The following IHO1 variants were observed in gnomAD, a reference collection of about 807,000 sequenced individuals.
The protein encoded by IHO1 is interactor of HORMAD1 1.
IHO1 carries 13 observed loss-of-function variants against 31.0 expected under a neutral mutation model. That is an observed-to-expected ratio of 0.42 (90% CI 0.27 to 0.67). The LOEUF (loss-of-function observed/expected upper bound fraction) is 0.67. IHO1 is among the 30% of genes least tolerant of loss of function. The probability of loss-of-function intolerance (pLI) is 0.24; values close to 1 mark genes in which losing one functional copy is unlikely to be tolerated. For missense variants in IHO1, 599 were observed against 687.5 expected, an observed-to-expected ratio of 0.87 and a Z score of 1.44; for synonymous variants, 221 against 248.4, an observed-to-expected ratio of 0.89 and a Z score of 1.04.
At chr3:49,221,168 A>AT (rs932654735) in intron 2 of IHO1, among the ~76,000 whole-genome samples, 8 of 149,124 alleles carry the variant, frequency 5.4e-5, no homozygotes, top group East Asian at 1.9e-4. Flanking sequence ...TGATTGGTGC[A>AT]TTTTTACAGA....
chr3:49,227,483 A>G (rs1214119831), intron 2 of IHO1, among the ~76,000 whole-genome samples: 1 of 152,204 alleles, frequency 6.6e-6, no homozygotes, highest in Non-Finnish European at 1.5e-5. Context: ...TCACCGACGC[A>G]GCAGCAGAAA....
In IHO1 at chr3:49,256,470, G is replaced by A; in HGVS notation, c.973G>A (p.Ala325Thr). 6.2e-7 allele frequency: 1 copy of A among 1,614,198 alleles called. No individual in the cohort carries two copies. Among genetic ancestry groups the A allele is most frequent in the African/African-American group, 1.3e-5 (1 of 75,044 alleles). The change falls in exon 8 of 8, where the codon GCA becomes ACA. Residue 325 changes from alanine to threonine, a missense_variant. Coordinates refer to ENST00000452691, the MANE Select transcript of IHO1 (RefSeq NM_001135197.2). This position sits in a 1 kb window ranked among gnomAD's most constrained non-coding sequence, Gnocchi z 4.6. ...AGAATTTGATGTCTGGGGTGAAGGA[G>A]CAAAGAATGATGATCTCCAAGAAGA... ...PGEFDVWGEG[A>T]KNDDLQEEAA...
At chr3:49,255,558 C>CTT (rs11344456) in intron 7 of IHO1, 65 bp downstream of exon 7, 970 of 354,100 alleles carry the variant, frequency 2.7e-3, no homozygotes, top group Middle Eastern at 5.1e-3. Flanking sequence ...CAGAGAGAAA[C>CTT]TTTTTTTTTT....
At chr3:49,234,315 C>A (rs1357248834) in intron 2 of IHO1, among the ~76,000 whole-genome samples, 1 of 151,648 alleles carries the variant, frequency 6.6e-6, no homozygotes, top group Admixed American at 6.6e-5. Flanking sequence ...TGGGACTGTA[C>A]AGGCACACAC....
At position 49,212,980 on chromosome 3, in the gene IHO1, T is replaced by A. The variant is rs569327804; in HGVS notation, c.56+1144T>A. ...TTACAGAGAGCTGATCGGTCTGTTT[T>A]ACAGAGAGCTGATTGGTCCGTTTTG... On this transcript the variant is annotated intron_variant, in intron 2 of 7. Coordinates refer to ENST00000452691, the MANE Select transcript of IHO1 (RefSeq NM_001135197.2). Among the ~76,000 whole-genome samples, 38 of 152,344 alleles carry A rather than the reference T, an allele frequency of 2.5e-4. 1 individual carries two copies. Among genetic ancestry groups the A allele is most frequent in the Admixed American group, 1.8e-3 (27 of 15,298 alleles).
rs748941985 is a variant in IHO1, at chr3:49,257,285, A to G, written c.*3A>G. 6.2e-7 allele frequency: 1 copy of G among 1,609,664 alleles called. No homozygotes were observed. On this transcript the variant is annotated 3_prime_UTR_variant, in exon 8 of 8. Coordinates refer to ENST00000452691, the MANE Select transcript of IHO1 (RefSeq NM_001135197.2). ...GCAGTGATGATGATGGCTTCTGACC[A>G]GTCCACAGTTGATTTATTGGTCTCA...
At chr3:49,214,619 TATATATATA>T (rs1363038469) in intron 2 of IHO1, among the ~76,000 whole-genome samples, 3 of 33,094 alleles carry the variant, frequency 9.1e-5, no homozygotes, top group African/African-American at 2.0e-4. Flanking sequence ...TATATATATA[TATATATATA>T]TATATTTTTT....
At chr3:49,212,557 T>A (rs2046235548) in intron 2 of IHO1, among the ~76,000 whole-genome samples, 1 of 151,542 alleles carries the variant, frequency 6.6e-6, no homozygotes, top group Non-Finnish European at 1.5e-5. Flanking sequence ...CATCAGGTTA[T>A]AATAATGGAA....
intron 6 of IHO1, among the ~76,000 whole-genome samples, chr3:49,250,960 G>C (rs1381409856): frequency 6.6e-6 from 1 of 151,974 alleles, no homozygotes; most frequent in Non-Finnish European, 1.5e-5. Flanking sequence ...GGAGGCAGAG[G>C]TTGCGGTGAG....
intron 2 of IHO1, chr3:49,228,456 A>T (rs1476328711): frequency 2.8e-6 from 1 of 356,746 alleles, no homozygotes; most frequent in African/African-American, 2.1e-5. Flanking sequence ...CCTGAATTCT[A>T]AGGAAAAATA....
chr3:49,245,188 A>AC, intron 6 of IHO1: 1 of 176,982 alleles, frequency 5.7e-6, no homozygotes. Context: ...ATCATTCTCA[A>AC]TTTTTTTTTT....
chr3:49,205,585 G>A (rs908630936), intron 1 of IHO1, among the ~76,000 whole-genome samples: 7 of 151,306 alleles, frequency 4.6e-5, no homozygotes, highest in African/African-American at 1.7e-4. Context: ...GAACCACTAT[G>A]CCTGGCCGTA....
At chr3:49,228,432 C>G (rs187684485) in intron 2 of IHO1, 28 of 386,620 alleles carry the variant, frequency 7.2e-5, no homozygotes, top group Non-Finnish European at 1.1e-4. Context: ...CCGACAGGTG[C>G]CCGGTATTTA....
intron 2 of IHO1, among the ~76,000 whole-genome samples, chr3:49,236,314 T>C (rs2046559039): frequency 6.6e-6 from 1 of 152,244 alleles, no homozygotes; most frequent in East Asian, 1.9e-4. Context: ...CAAAGAATGA[T>C]GATGTCAATC....
At chr3:49,231,999 A>G (rs147015971) in intron 2 of IHO1, among the ~76,000 whole-genome samples, 2 of 152,202 alleles carry the variant, frequency 1.3e-5, no homozygotes, top group Non-Finnish European at 2.9e-5. Flanking sequence ...GCTTATGTAC[A>G]TGTATGCGTG....
chr3:49,193,395 A>G, the IHO1 span, among the ~76,000 whole-genome samples: 1 of 151,386 alleles, frequency 6.6e-6, no homozygotes, highest in Non-Finnish European at 1.5e-5. Flanking sequence ...AAACAAAACA[A>G]AAACCGTAAA....
At chr3:49,199,292 T>C (rs563659236), upstream of IHO1, among the ~76,000 whole-genome samples, 242 of 152,290 alleles carry the variant, frequency 1.6e-3, no homozygotes, top group African/African-American at 5.7e-3. Context: ...TTAAAACCGT[T>C]AGCTGCCTGT....
chr3:49,239,560 G>A (rs1291010264), intron 3 of IHO1, among the ~76,000 whole-genome samples: 5 of 152,222 alleles, frequency 3.3e-5, no homozygotes, highest in Middle Eastern at 3.4e-3. Context: ...GATTACAGGC[G>A]TGAGCCCCCG....
intron 6 of IHO1, among the ~76,000 whole-genome samples, chr3:49,253,581 T>C (rs1160547507): frequency 6.6e-6 from 1 of 152,118 alleles, no homozygotes; most frequent in African/African-American, 2.4e-5. Flanking sequence ...TCAATTCCTC[T>C]GTTTGGAACG....
Sources: allele counts gnomAD v4.1 joint callset (sites outside exome capture counted in the v4.1 genomes callset), GRCh38; gene constraint gnomAD v4.1.1; non-coding constraint Gnocchi (gnomAD v3.1); transcripts MANE v1.5; gene names NCBI Gene and HGNC (gene_info 2026-07-23, HGNC 2026-07-21).